Variants in CECR2 observed in about 807,000 individuals in gnomAD.
CECR2 encodes the protein chromatin remodeling regulator CECR2.
A neutral mutation model predicts 154.5 loss-of-function variants in CECR2; 30 were observed. The ratio of observed to expected loss-of-function variants is 0.19; its 90% CI spans 0.15 to 0.26. The LOEUF is 0.26. Ranked by LOEUF, CECR2 falls within the 10% of genes least tolerant of loss-of-function variation. The probability of loss-of-function intolerance (pLI) is 1.00; values close to 1 mark genes in which losing one functional copy is unlikely to be tolerated. For missense variants in CECR2, 1,743 were observed against 1,829.3 expected (o/e 0.95, Z 0.86); for synonymous variants, 725 against 683.7 (o/e 1.06, Z -0.94).
At position 17,406,315 on chromosome 22, in the gene CECR2, G is replaced by T. The variant is rs74276437; in HGVS notation, c.126+36406G>T. On this transcript the variant is annotated intron_variant, in intron 1 of 18. Coordinates refer to ENST00000262608, the MANE Select transcript of CECR2 (RefSeq NM_001290047.2). ...GCGGGAGGACCACCTGAAGTCAGGA[G>T]TTCGAGACCAGCCTGGCCAACATGA... Among the ~76,000 whole-genome samples, 1,367 of 152,314 alleles carry T rather than the reference G, an allele frequency of 9.0e-3. 62 individuals carry two copies. In the East Asian group the frequency reaches 0.14, roughly 16 times the overall value.
upstream of CECR2, among the ~76,000 whole-genome samples, chr22:17,367,505 T>C (rs146991328): frequency 0.013 from 2,048 of 152,018 alleles, 50 homozygotes; most frequent in African/African-American, 0.047. Flanking sequence ...CCTGCCTCAG[T>C]CTCCCGAGTA....
At chr22:17,429,482 G>A (rs571535300) in intron 1 of CECR2, among the ~76,000 whole-genome samples, 38 of 147,402 alleles carry the variant, frequency 2.6e-4, no homozygotes, top group Admixed American at 2.3e-3. Flanking sequence ...TAGTCGGATC[G>A]CTTGAGCCCA....
chr22:17,510,894 C>A (rs183350254), intron 7 of CECR2, among the ~76,000 whole-genome samples: 1 of 152,252 alleles, frequency 6.6e-6, no homozygotes, highest in East Asian at 1.9e-4. Context: ...CGTGAGCCAC[C>A]CCACCCAGCC....
At position 17,538,742 on chromosome 22, in the gene CECR2, T is replaced by C. The variant is rs2056475147; in HGVS notation, c.1368+11T>C. 1.8e-5 allele frequency: 29 copies of C among 1,605,732 alleles called. No individual in the cohort carries two copies. The highest frequency in any genetic ancestry group is 2.5e-5 in the Non-Finnish European group (29 of 1,172,488). ...TATCAGATTATTAAGGTAGAAGTTG[T>C]CTTTGCAGTAATGCCTACTATAGTG... On this transcript the variant is annotated intron_variant, in intron 12 of 18. Coordinates refer to ENST00000262608, the MANE Select transcript of CECR2 (RefSeq NM_001290047.2).
At chr22:17,463,949 CG>C (rs1456143993) in intron 1 of CECR2, among the ~76,000 whole-genome samples, 4 of 152,006 alleles carry the variant, frequency 2.6e-5, no homozygotes, top group Non-Finnish European at 4.4e-5. Flanking sequence ...AATAGCAGTG[CG>C]GTGGTGGGTG....
chr22:17,520,911 G>C (rs1452998046), intron 8 of CECR2, among the ~76,000 whole-genome samples: 1 of 152,128 alleles, frequency 6.6e-6, no homozygotes, highest in Non-Finnish European at 1.5e-5. Context: ...ACGTGTGCAT[G>C]TGTCTTTATA....
At chr22:17,526,598 C>G (rs1011528718) in intron 9 of CECR2, among the ~76,000 whole-genome samples, 1 of 151,986 alleles carries the variant, frequency 6.6e-6, no homozygotes, top group Admixed American at 6.6e-5. Context: ...ATTACAAGGT[C>G]AAGAGTTCAA....
rs1569068005 is a variant in CECR2 at position 17,415,834 on chromosome 22, T to A, written c.126+45925T>A. Among the ~76,000 whole-genome samples, 6 of 152,340 alleles carry A rather than the reference T, an allele frequency of 3.9e-5. 1 individual carries two copies. The South Asian group carries it at 1.0e-3, about 26-fold the overall frequency. ...CTACAAATAATTTGAAACTTTTATC[T>A]CTCTGTTGTTTGTTCATCATCCCAT... On this transcript the variant is annotated intron_variant, in intron 1 of 18. Transcript: ENST00000262608.
Position 17,519,494 on chromosome 22 carries a change from G to A in CECR2, c.955-4624G>A, listed in dbSNP as rs143738356. On this transcript the variant is annotated intron_variant, in intron 8 of 18. Coordinates refer to ENST00000262608, the MANE Select transcript of CECR2 (RefSeq NM_001290047.2). ...AGGAAGGTCTTGATCTCCTGACCTCGTGAACCACCCACCTCGGCCTCCCAC... is the reference window on the plus strand; with the variant it reads ...AGGAAGGTCTTGATCTCCTGACCTCATGAACCACCCACCTCGGCCTCCCAC... Among the ~76,000 whole-genome samples the A allele has an allele frequency of 8.0e-3, 1,211 of 151,944 alleles. 19 individuals carry two copies. Among genetic ancestry groups the A allele is most frequent in the African/African-American group, 0.028 (1,163 of 41,466 alleles).
At chr22:17,541,811 T>C in intron 14 of CECR2, 28 bp from the exon 15 acceptor site, 1 of 1,583,816 alleles carries the variant, frequency 6.3e-7, no homozygotes, top group Non-Finnish European at 8.6e-7. Flanking sequence ...TCCTTTTTCC[T>C]CTTCTTGCTT....
At chr22:17,455,837 CT>C (rs1243159541) in intron 1 of CECR2, among the ~76,000 whole-genome samples, 2 of 152,180 alleles carry the variant, frequency 1.3e-5, no homozygotes, top group Non-Finnish European at 2.9e-5. Flanking sequence ...TCTCGAACTT[CT>C]GACCTCAGGT....
At chr22:17,527,992 C>G (rs1471367037) in intron 9 of CECR2, among the ~76,000 whole-genome samples, 1 of 152,138 alleles carries the variant, frequency 6.6e-6, no homozygotes, top group East Asian at 1.9e-4. Context: ...TGGAGAACAG[C>G]TTAGATGTTC....
chr22:17,462,081 A>G (rs2054948120), intron 1 of CECR2, among the ~76,000 whole-genome samples: 1 of 150,244 alleles, frequency 6.7e-6, no homozygotes, highest in African/African-American at 2.4e-5. Flanking sequence ...ATGAGCCACC[A>G]TGCTCGGCAG....
At position 17,497,386 on chromosome 22, in the gene CECR2, T is replaced by C; in HGVS notation, c.222-17T>C. The C allele has an allele frequency of 6.2e-7, 1 of 1,605,440 alleles. No homozygotes were observed. The highest frequency in any genetic ancestry group is 8.5e-7 in the Non-Finnish European group (1 of 1,175,730). ...ATTTTATATTAATGTATTTTTGTGT[T>C]TGGGGCCCTGGTCTAGGCCTCAGAC... On this transcript the variant is annotated splice_polypyrimidine_tract_variant and intron_variant, in intron 2 of 18. Coordinates refer to ENST00000262608, the MANE Select transcript of CECR2 (RefSeq NM_001290047.2).
In CECR2 at chr22:17,457,057, G is replaced by A. The variant is rs528492422; in HGVS notation, c.127-20531G>A. On this transcript the variant is annotated intron_variant, in intron 1 of 18. Transcript: ENST00000262608. ...TTGTTTGTTTGAGACAGAATTTCTC[G>A]CTCTTGTTGCCCAGGCTGGAGTGCA... 3.9e-5 allele frequency among the ~76,000 whole-genome samples: 6 copies of A among 152,276 alleles called. No individual in the cohort carries two copies. In the East Asian group the frequency reaches 7.7e-4, roughly 20 times the overall value.
At chr22:17,519,509 C>T (rs1411057289) in intron 8 of CECR2, among the ~76,000 whole-genome samples, 3 of 151,984 alleles carry the variant, frequency 2.0e-5, no homozygotes, top group East Asian at 1.9e-4. Flanking sequence ...CCACCCACCT[C>T]GGCCTCCCAC....
chr22:17,418,984 A>G (rs2054197031), intron 1 of CECR2: 2 of 192,014 alleles, frequency 1.0e-5, no homozygotes, highest in Non-Finnish European at 2.2e-5. Flanking sequence ...GCCTCGCCTC[A>G]GGGGACACTG....
At chr22:17,407,181 TTTG>T (rs1380227674) in intron 1 of CECR2, among the ~76,000 whole-genome samples, 4 of 152,000 alleles carry the variant, frequency 2.6e-5, no homozygotes, top group South Asian at 4.2e-4. Context: ...CTTTGAGGAG[TTTG>T]TTGTTGTTTT....
intron 1 of CECR2, among the ~76,000 whole-genome samples, chr22:17,413,833 C>T (rs531958006): frequency 6.0e-5 from 9 of 150,742 alleles, no homozygotes; most frequent in African/African-American, 2.0e-4. Flanking sequence ...CCTGCCACCA[C>T]GGCCGGCTAA....
Sources: allele counts gnomAD v4.1 joint callset (sites outside exome capture counted in the v4.1 genomes callset), GRCh38; gene constraint gnomAD v4.1.1; transcripts MANE v1.5; gene names NCBI Gene and HGNC (gene_info 2026-07-23, HGNC 2026-07-21).